The following TENT5B variants were observed in gnomAD, a reference collection of about 807,000 sequenced individuals.
TENT5B encodes the protein terminal nucleotidyltransferase 5B.
A neutral mutation model predicts 21.7 loss-of-function variants in TENT5B; 12 were observed. That is an observed-to-expected ratio of 0.55 (90% CI 0.36 to 0.90). TENT5B has a LOEUF of 0.90. Among genes scored for constraint, TENT5B ranks in the 40% least tolerant of loss-of-function variants. The probability of loss-of-function intolerance (pLI) is 0.01; values close to 1 mark genes in which losing one functional copy is unlikely to be tolerated. For synonymous variants in TENT5B, 262 were observed against 266.6 expected (o/e 0.98, Z 0.17); for missense variants, 540 against 601.5 (o/e 0.90, Z 1.07).
intron 1 of TENT5B, among the ~76,000 whole-genome samples, chr1:27,011,784 TGG>T (rs2082624565): frequency 2.0e-5 from 3 of 152,112 alleles, no homozygotes; most frequent in African/African-American, 7.2e-5. Context: ...ACACCTAAAT[TGG>T]TCACTTAATG....
At chr1:27,008,614 CTTTT>C (rs994667195) in intron 1 of TENT5B, among the ~76,000 whole-genome samples, 1 of 146,902 alleles carries the variant, frequency 6.8e-6, no homozygotes, top group East Asian at 2.0e-4. Flanking sequence ...GGACAGGTGT[CTTTT>C]TTTTTTTGAG....
At chr1:27,010,232 C>T (rs974098036) in intron 1 of TENT5B, among the ~76,000 whole-genome samples, 13 of 152,306 alleles carry the variant, frequency 8.5e-5, no homozygotes, top group African/African-American at 2.9e-4. Flanking sequence ...TCTGGGAAGG[C>T]TCCTTACAGT....
rs747866197 is a variant in TENT5B at position 27,005,897 on chromosome 1, C to T, written c.*47G>A. 4 of 1,514,542 alleles carry T rather than the reference C, an allele frequency of 2.6e-6. No homozygotes were observed. The highest frequency in any genetic ancestry group is 2.7e-5 in the South Asian group (2 of 75,230). 93.8% of individuals were successfully genotyped at this position (1,514,542 alleles called of 1,614,324 possible). On this transcript the variant is annotated 3_prime_UTR_variant, in exon 2 of 2. Coordinates refer to ENST00000289166, the MANE Select transcript of TENT5B (RefSeq NM_052943.4). Reference sequence around the variant, plus strand: ...CCTCCACACACTCTTGGAGGCCCCACCCCACCCCGTGAGGCCCAGTCCCTT... The same window carrying T: ...CCTCCACACACTCTTGGAGGCCCCATCCCACCCCGTGAGGCCCAGTCCCTT...
At position 27,005,933 on chromosome 1, in the gene TENT5B, C is replaced by T; in HGVS notation, c.*11G>A. On this transcript the variant is annotated 3_prime_UTR_variant, in exon 2 of 2. Transcript: ENST00000289166. Reference sequence around the variant, plus strand: ...GAGGCCCAGTCCCTTCCCTTCTGGCCAGGGTCTGAGTCAGTTACAAGGCAG... The same window carrying T: ...GAGGCCCAGTCCCTTCCCTTCTGGCTAGGGTCTGAGTCAGTTACAAGGCAG... 4 of 1,539,648 alleles carry T rather than the reference C, an allele frequency of 2.6e-6. No individual in the cohort carries two copies. The highest frequency in any genetic ancestry group is 3.5e-6 in the Non-Finnish European group (4 of 1,140,550).
Position 27,005,619 on chromosome 1 carries a change from G to A in TENT5B, c.*325C>T, listed in dbSNP as rs1396524446. On this transcript the variant is annotated 3_prime_UTR_variant, in exon 2 of 2. Transcript: ENST00000289166. ...CCATGGGAATCAATCCAAGGTGCTG[G>A]GCATTAAGGCTACCACCCCAAACTT... The A allele has an allele frequency of 2.9e-6, 1 of 344,396 alleles. No individual in the cohort carries two copies. The highest frequency in any genetic ancestry group is 5.3e-6 in the Non-Finnish European group (1 of 188,700). The allele number at this position is 344,396 out of a possible 1,614,324, so 21.3% of individuals were successfully genotyped here.
intron 1 of TENT5B, among the ~76,000 whole-genome samples, chr1:27,010,546 G>A (rs1397634107): frequency 6.6e-6 from 1 of 152,058 alleles, no homozygotes; most frequent in Non-Finnish European, 1.5e-5. Context: ...TGTCCCCTTT[G>A]GAGTCTGGAA....
intron 1 of TENT5B, among the ~76,000 whole-genome samples, chr1:27,008,977 CTTTTTTTTTTTTTTTT>C (rs58360969): frequency 3.2e-4 from 10 of 31,008 alleles, no homozygotes; most frequent in African/African-American, 1.4e-3. Flanking sequence ...CTCCATCCTT[CTTTTTTTTTTTTTTTT>C]TTTTTTTTTT....
At chr1:27,010,817 G>A (rs967002983) in intron 1 of TENT5B, among the ~76,000 whole-genome samples, 13 of 152,196 alleles carry the variant, frequency 8.5e-5, no homozygotes, top group African/African-American at 3.1e-4. Flanking sequence ...TTGACCTGGA[G>A]TCTCCCCCAT....
In TENT5B at chr1:27,012,603, G is replaced by A. The variant is rs780786522; in HGVS notation, c.68C>T (p.Ala23Val). 2 of 1,530,768 alleles carry A rather than the reference G, an allele frequency of 1.3e-6. No homozygotes were observed. The highest frequency in any genetic ancestry group is 2.4e-5 in the South Asian group (2 of 83,572). 94.8% of individuals were successfully genotyped at this position (1,530,768 alleles called of 1,614,324 possible). Residue 23 changes from alanine (A) to valine (V), a missense_variant, in exon 1 of 2, where the codon GCC (alanine) becomes GTC (valine). By Grantham distance (64) the Ala-to-Val change is moderately conservative. Transcript: ENST00000289166. ...RAAAQVGTAA[A>V]TAVATAAPAG... is the part of the protein sequence containing the mutation. ...CGGGGCTGCCGTGGCCACCGCCGTG[G>A]CCGCAGCCGTCCCCACCTGAGCAGC...
chr1:27,010,963 C>T (rs1483230716), intron 1 of TENT5B, among the ~76,000 whole-genome samples: 1 of 151,856 alleles, frequency 6.6e-6, no homozygotes, highest in East Asian at 1.9e-4. Flanking sequence ...GACTTCTCCT[C>T]CTTCCAGGGT....
intron 1 of TENT5B, among the ~76,000 whole-genome samples, chr1:27,008,017 A>C (rs2082608763): frequency 6.6e-6 from 1 of 152,128 alleles, no homozygotes; most frequent in Non-Finnish European, 1.5e-5. Flanking sequence ...CAAAAATTAT[A>C]TACTTTTTTT....
In TENT5B at chr1:27,006,994, G is replaced by A. The variant is rs745842169; in HGVS notation, c.265-37C>T. The A allele has an allele frequency of 8.5e-6, 13 of 1,525,590 alleles. No homozygotes were observed. Among genetic ancestry groups the A allele is most frequent in the Admixed American group, 6.3e-5 (3 of 47,756 alleles). The allele number at this position is 1,525,590 out of a possible 1,614,324, so 94.5% of individuals were successfully genotyped here. Reference sequence around the variant, plus strand: ...AGCAGGAAGGAGAGGTGTCAGGAGCGGGCCTCAGGGGTCCACCAAGGACTT... The same window carrying A: ...AGCAGGAAGGAGAGGTGTCAGGAGCAGGCCTCAGGGGTCCACCAAGGACTT... On this transcript the variant is annotated intron_variant, in intron 1 of 1. Coordinates refer to ENST00000289166, the MANE Select transcript of TENT5B (RefSeq NM_052943.4). This position sits in a 1 kb window ranked among gnomAD's most constrained non-coding sequence, Gnocchi z 9.4.
rs933724218 is a variant in TENT5B at position 27,012,814 on chromosome 1, C to A, written c.-144G>T. 8.6e-5 allele frequency: 96 copies of A among 1,113,284 alleles called. No homozygotes were observed. The highest frequency in any genetic ancestry group is 1.1e-4 in the Non-Finnish European group (94 of 837,218). 69.0% of individuals were successfully genotyped at this position (1,113,284 alleles called of 1,614,324 possible). A position where few individuals can be genotyped will look rare whatever the true frequency, so the allele number is the denominator to read the frequency against. On this transcript the variant is annotated 5_prime_UTR_variant, in exon 1 of 2. Coordinates refer to ENST00000289166, the MANE Select transcript of TENT5B (RefSeq NM_052943.4). The stretch of plus-strand genomic sequence containing the variant: ...ACGACGGCGAGACAAAGCCAGGGAA[C>A]ACCTCAGACGGCGACGACTAACCGA...
chr1:27,012,527 G>A lies in TENT5B; in HGVS notation c.144C>T (p.His48=). 2 of 1,604,716 alleles carry A rather than the reference G, an allele frequency of 1.2e-6. No individual in the cohort carries two copies. Among genetic ancestry groups the A allele is most frequent in the South Asian group, 1.1e-5 (1 of 90,534 alleles). The change falls in exon 1 of 2, where the codon CAC becomes CAT. Residue 48 remains histidine, a synonymous_variant. Coordinates refer to ENST00000289166, the MANE Select transcript of TENT5B (RefSeq NM_052943.4). ...PEALSAFPGR[H]LSGLSWPQVK... Reference sequence around the variant, plus strand: ...CCTGTGGCCAGCTCAGCCCACTCAGGTGCCGTCCGGGGAAGGCCGATAAGG... The same window carrying A: ...CCTGTGGCCAGCTCAGCCCACTCAGATGCCGTCCGGGGAAGGCCGATAAGG...
chr1:27,010,954 A>G (rs2082621133), intron 1 of TENT5B, among the ~76,000 whole-genome samples: 1 of 151,810 alleles, frequency 6.6e-6, no homozygotes, highest in Admixed American at 6.5e-5. Flanking sequence ...CAGGGCAAGG[A>G]CTTCTCCTCC....
chr1:27,006,399 G>A lies in TENT5B; in HGVS notation c.823C>T (p.Arg275Ter), dbSNP rs770602725. Residue 275 changes from arginine (R) to a stop codon, truncating the protein, a stop_gained, in exon 2 of 2, where the codon CGA becomes TGA. Coordinates refer to ENST00000289166, the MANE Select transcript of TENT5B (RefSeq NM_052943.4). LOFTEE classifies it high-confidence loss of function. The surrounding 1 kb of genome is among the most constrained non-coding windows in gnomAD (Gnocchi z 9.4). ...VIATRSPEEI[R>*]GGGLLKYCHL... ...CAGTACTTGAGGAGGCCACCACCTC[G>A]GATCTCCTCGGGACTGCGCGTGGCG... The A allele has an allele frequency of 1.1e-5, 17 of 1,612,910 alleles. No homozygotes were observed. Among genetic ancestry groups the A allele is most frequent in the Non-Finnish European group, 1.4e-5 (16 of 1,179,704 alleles).
At chr1:27,009,800 T>C (rs2082615988) in intron 1 of TENT5B, among the ~76,000 whole-genome samples, 1 of 152,256 alleles carries the variant, frequency 6.6e-6, no homozygotes, top group Non-Finnish European at 1.5e-5. Flanking sequence ...ATCCCCTGCG[T>C]CAGGGCCATG....
chr1:27,006,547 G>A lies in TENT5B; in HGVS notation c.675C>T (p.Ser225=). 6.2e-7 allele frequency: 1 copy of A among 1,614,162 alleles called. No homozygotes were observed. Among genetic ancestry groups the A allele is most frequent in the Non-Finnish European group, 8.5e-7 (1 of 1,180,038 alleles). Residue 225 remains serine, a synonymous_variant, in exon 2 of 2, where the codon TCC becomes TCT. Coordinates refer to ENST00000289166, the MANE Select transcript of TENT5B (RefSeq NM_052943.4). This position sits in a 1 kb window ranked among gnomAD's most constrained non-coding sequence, Gnocchi z 9.4. ...ACGAGCACTGGCCAAAGAGCAACAGGGAGTCCAGGATGATCTGGAAGGAGT... is the reference window on the plus strand; with the variant it reads ...ACGAGCACTGGCCAAAGAGCAACAGAGAGTCCAGGATGATCTGGAAGGAGT... ...SIDSFQIILD[S]LLLFGQCSST... is the part of the protein sequence containing the mutation.
chr1:27,010,618 ACT>A (rs947254652), intron 1 of TENT5B, among the ~76,000 whole-genome samples: 25 of 152,144 alleles, frequency 1.6e-4, no homozygotes, highest in African/African-American at 5.8e-4. Flanking sequence ...AGATGGGGAC[ACT>A]GAGCCCAGCA....
Sources: allele counts gnomAD v4.1 joint callset (sites outside exome capture counted in the v4.1 genomes callset), GRCh38; gene constraint gnomAD v4.1.1; non-coding constraint Gnocchi (gnomAD v3.1); transcripts MANE v1.5; gene names NCBI Gene and HGNC (gene_info 2026-07-23, HGNC 2026-07-21).